SMCHD1: variants seen among roughly 807,000 people sequenced by gnomAD.
SMCHD1 encodes the protein structural maintenance of chromosomes flexible hinge domain containing 1.
In SMCHD1, 78 loss-of-function variants were observed where a neutral mutation model predicts 254.7. The observed-to-expected ratio is 0.31, with a 90% CI of 0.26 to 0.37. SMCHD1 has a LOEUF of 0.37. Among genes scored for constraint, SMCHD1 ranks in the 10% least tolerant of loss-of-function variants. SMCHD1 has a pLI of 1.00. For synonymous variants in SMCHD1, 766 were observed against 794.9 expected (o/e 0.96, Z 0.61); for missense variants, 1,840 against 2,408.1 (o/e 0.76, Z 4.94).
At chr18:2,672,369 G>T (rs2073631886) in intron 3 of SMCHD1, among the ~76,000 whole-genome samples, 3 of 152,082 alleles carry the variant, frequency 2.0e-5, no homozygotes, top group Admixed American at 2.0e-4. Context: ...TGGGATTATA[G>T]GCACCAGCTA....
chr18:2,670,253 T>C (rs1301911929), intron 3 of SMCHD1, among the ~76,000 whole-genome samples: 1 of 152,036 alleles, frequency 6.6e-6, no homozygotes, highest in Non-Finnish European at 1.5e-5. Context: ...TTCACTGCCA[T>C]CCATATTCTC....
intron 1 of SMCHD1, among the ~76,000 whole-genome samples, chr18:2,658,890 ACATATATACG>A (rs2073159167): frequency 6.6e-6 from 1 of 150,786 alleles, no homozygotes; most frequent in African/African-American, 2.4e-5. Context: ...ACATATATAC[ACATATATACG>A]TGTATACGCA....
At chr18:2,774,524 AC>A (rs1568362973) in intron 41 of SMCHD1, among the ~76,000 whole-genome samples, 1 of 151,810 alleles carries the variant, frequency 6.6e-6, no homozygotes, top group Non-Finnish European at 1.5e-5. Flanking sequence ...TCATCCTCCC[AC>A]CTCAGCACCC....
chr18:2,738,763 G>T lies in SMCHD1; in HGVS notation c.3425+218G>T, dbSNP rs376692287. Reference sequence around the variant, plus strand: ...TCTAGTAGCTGGAACCTTCATTAAAGGAAAGTTTAGTGCCAGTAACAGTGA... The same window carrying T: ...TCTAGTAGCTGGAACCTTCATTAAATGAAAGTTTAGTGCCAGTAACAGTGA... On this transcript the variant is annotated intron_variant, in intron 26 of 47. Transcript: ENST00000320876. 2.1e-4 allele frequency among the ~76,000 whole-genome samples: 32 copies of T among 152,250 alleles called. No homozygotes were observed. The East Asian group carries it at 5.4e-3, about 26-fold the overall frequency.
chr18:2,692,524 A>G, intron 7 of SMCHD1, among the ~76,000 whole-genome samples: 1 of 152,212 alleles, frequency 6.6e-6, no homozygotes, highest in East Asian at 1.9e-4. Flanking sequence ...ATCATTCAGC[A>G]CATTTAATTT....
At chr18:2,767,504 T>G (rs1477127236) in intron 37 of SMCHD1, among the ~76,000 whole-genome samples, 1 of 152,026 alleles carries the variant, frequency 6.6e-6, no homozygotes, top group African/African-American at 2.4e-5. Flanking sequence ...ATTTCATTGT[T>G]GTGCAAATAT....
intron 17 of SMCHD1, among the ~76,000 whole-genome samples, chr18:2,708,732 C>T (rs1198525520): frequency 7.3e-5 from 11 of 150,606 alleles, no homozygotes; most frequent in African/African-American, 2.7e-4. Context: ...TCTCCTGTCT[C>T]AGCCTCCTGA....
In SMCHD1 at chr18:2,703,113, T is replaced by A. The variant is rs146557975; in HGVS notation, c.1648-579T>A. On this transcript the variant is annotated intron_variant, in intron 12 of 47. Coordinates refer to ENST00000320876, the MANE Select transcript of SMCHD1 (RefSeq NM_015295.3). ...AGGCTCTATATATAAAAGAGAAAAT[T>A]AAAAAGAAAAGTACATTTTGCATAG... 5.1e-3 allele frequency among the ~76,000 whole-genome samples: 782 copies of A among 152,338 alleles called. 9 individuals carry two copies. The highest frequency in any genetic ancestry group is 0.018 in the African/African-American group (732 of 41,580).
At chr18:2,796,616 T>A in intron 47 of SMCHD1, 95 bp downstream of exon 47, 1 of 843,690 alleles carries the variant, frequency 1.2e-6, no homozygotes, top group Non-Finnish European at 1.9e-6. Flanking sequence ...AGTCTTGCTC[T>A]GTTGCCCAGG....
chr18:2,686,900 A>G (rs2074064131), intron 5 of SMCHD1, among the ~76,000 whole-genome samples: 2 of 151,944 alleles, frequency 1.3e-5, no homozygotes, highest in African/African-American at 4.8e-5. Context: ...TGTTTATCCC[A>G]TTCTTTCTGT....
At position 2,656,223 on chromosome 18, in the gene SMCHD1, C is replaced by T. The variant is rs1279507314; in HGVS notation, c.148C>T (p.Arg50Cys). 2.7e-6 allele frequency: 4 copies of T among 1,503,096 alleles called. No homozygotes were observed. The highest frequency in any genetic ancestry group is 2.6e-6 in the Non-Finnish European group (3 of 1,134,624). 93.1% of individuals were successfully genotyped at this position (1,503,096 alleles called of 1,614,324 possible). The change falls in exon 1 of 48, where the codon CGC becomes TGC. Residue 50 changes from arginine to cysteine, a missense_variant. Coordinates refer to ENST00000320876, the MANE Select transcript of SMCHD1 (RefSeq NM_015295.3). ...LGDRPLQVGERSDYAGFRACV... is the reference protein window; with the variant it reads ...LGDRPLQVGECSDYAGFRACV... The stretch of plus-strand genomic sequence containing the variant: ...GGACCGGCCTCTGCAGGTCGGGGAG[C>T]GCTCGGACTACGCGGGATTTCGCGC...
chr18:2,770,767 C>T (rs748550616), intron 39 of SMCHD1, among the ~76,000 whole-genome samples: 18 of 152,220 alleles, frequency 1.2e-4, no homozygotes, highest in East Asian at 5.8e-4. Context: ...ATTACAGGCA[C>T]ATGCCACCAC....
chr18:2,708,915 T>TAA (rs2074598322), intron 17 of SMCHD1, among the ~76,000 whole-genome samples: 1 of 90,454 alleles, frequency 1.1e-5, no homozygotes, highest in Non-Finnish European at 2.2e-5. Flanking sequence ...TATAACATAT[T>TAA]AACATGAAAT....
chr18:2,750,109 GT>G lies in SMCHD1; in HGVS notation c.3999del (p.Phe1333LeufsTer20), dbSNP rs1172818643. 6.3e-7 allele frequency: 1 copy of G among 1,580,478 alleles called. No homozygotes were observed. The highest frequency in any genetic ancestry group is 8.6e-7 in the Non-Finnish European group (1 of 1,161,456). ...CAGGGCTAATTTGGGAGTATTCAGT[GT>G]TTTTGCCCCTAGGTAAGAACCAAAA... ...KGRANLGVFS[V>X]FAPRGEHTLQ... On this transcript the variant is annotated frameshift_variant, in exon 31 of 48. Coordinates refer to ENST00000320876, the MANE Select transcript of SMCHD1 (RefSeq NM_015295.3). LOFTEE classifies it high-confidence loss of function.
intron 47 of SMCHD1, among the ~76,000 whole-genome samples, chr18:2,797,577 C>A (rs913440913): frequency 1.3e-5 from 2 of 152,152 alleles, no homozygotes; most frequent in African/African-American, 4.8e-5. Flanking sequence ...GTTCTTGCCT[C>A]CATTGGAATT....
chr18:2,776,906 T>C (rs941522945), intron 42 of SMCHD1, among the ~76,000 whole-genome samples: 5 of 152,134 alleles, frequency 3.3e-5, no homozygotes, highest in African/African-American at 1.2e-4. Flanking sequence ...ATACTTTTTC[T>C]TTTCTTAAGA....
Position 2,796,434 on chromosome 18 carries a change from A to T in SMCHD1, c.5906A>T (p.Asp1969Val). 6.2e-7 allele frequency: 1 copy of T among 1,601,912 alleles called. No individual in the cohort carries two copies. The highest frequency in any genetic ancestry group is 8.5e-7 in the Non-Finnish European group (1 of 1,174,014). The change falls in exon 47 of 48, where the codon GAC becomes GTC. Residue 1969 changes from aspartate (D) to valine (V), a missense_variant. By Grantham distance (152) the Asp-to-Val change is radical. Around this residue, in one of 9 missense-constraint regions of SMCHD1, gnomAD observed 132 missense variants for 138.2 expected, o/e 0.95. Coordinates refer to ENST00000320876, the MANE Select transcript of SMCHD1 (RefSeq NM_015295.3). ...LGMTPIRKCN[D>V]SLRHSPKVET... ...ATGACTCCCATACGTAAGTGTAATG[A>T]CTCATTGCGTCATTCACCAAAGGTT...
intron 19 of SMCHD1, among the ~76,000 whole-genome samples, chr18:2,721,239 T>TA (rs1367287298): frequency 6.6e-6 from 1 of 152,174 alleles, no homozygotes; most frequent in Non-Finnish European, 1.5e-5. Flanking sequence ...CACTTACTCA[T>TA]ATGTTCTTTG....
At chr18:2,671,285 A>G (rs1555626331) in intron 3 of SMCHD1, among the ~76,000 whole-genome samples, 1 of 152,154 alleles carries the variant, frequency 6.6e-6, no homozygotes, top group Non-Finnish European at 1.5e-5. Flanking sequence ...GTGTATAATT[A>G]TAGAGTCAAC....
Sources: allele counts gnomAD v4.1 joint callset (sites outside exome capture counted in the v4.1 genomes callset), GRCh38; gene constraint gnomAD v4.1.1; regional missense constraint gnomAD v4.1.1; transcripts MANE v1.5; gene names NCBI Gene and HGNC (gene_info 2026-07-23, HGNC 2026-07-21).